CMYA5: variants seen among roughly 807,000 people sequenced by gnomAD.
The protein encoded by CMYA5 is cardiomyopathy associated 5.
A neutral mutation model predicts 318.9 loss-of-function variants in CMYA5; 246 were observed. The ratio of observed to expected loss-of-function variants is 0.77; its 90% confidence interval spans 0.70 to 0.86. CMYA5 has a LOEUF of 0.86. CMYA5 is among the 40% of genes least tolerant of loss of function. CMYA5 has a pLI of 0.00. For missense variants in CMYA5, 4,589 were observed against 4,678.2 expected (o/e 0.98, Z 0.56); for synonymous variants, 1,641 against 1,729.5 (o/e 0.95, Z 1.27).
chr5:79,760,554 T>C (rs1197993871), intron 7 of CMYA5, among the ~76,000 whole-genome samples: 1 of 152,130 alleles, frequency 6.6e-6, no homozygotes, highest in Non-Finnish European at 1.5e-5. Context: ...AAGCACATCT[T>C]CCCATGGCTG....
At chr5:79,758,001 G>C (rs557771808) in intron 6 of CMYA5, among the ~76,000 whole-genome samples, 1 of 152,004 alleles carries the variant, frequency 6.6e-6, no homozygotes, top group Non-Finnish European at 1.5e-5. Context: ...AGGCTGAGGC[G>C]GGTGGAATCC....
chr5:79,777,446 A>G (rs1225565480), intron 9 of CMYA5, among the ~76,000 whole-genome samples: 1 of 152,156 alleles, frequency 6.6e-6, no homozygotes, highest in Non-Finnish European at 1.5e-5. Flanking sequence ...TGAGCATCCC[A>G]TATCAATACA....
At chr5:79,700,987 G>A (rs551842673) in intron 1 of CMYA5, among the ~76,000 whole-genome samples, 1 of 151,356 alleles carries the variant, frequency 6.6e-6, no homozygotes, top group South Asian at 2.1e-4. Flanking sequence ...GCTCACACCT[G>A]TAATCCCAGG....
Position 79,734,389 on chromosome 5 carries a change from C to A in CMYA5, c.5624C>A (p.Ala1875Glu), listed in dbSNP as rs16877147. The change falls in exon 2 of 13, where the codon GCG (alanine) becomes GAG (glutamate). Residue 1875 changes from alanine to glutamate, a missense_variant. Transcript: ENST00000446378. ...AAATCATTTATGACAACCAAGCCTG[C>A]GGATGTCAAAGAAACAAAAATGGAA... ...QSKSFMTTKPADVKETKMEEF... is the reference protein window; with the variant it reads ...QSKSFMTTKPEDVKETKMEEF... 1.9e-6 allele frequency: 3 copies of A among 1,613,370 alleles called. No individual in the cohort carries two copies. The highest frequency in any genetic ancestry group is 2.7e-5 in the African/African-American group (2 of 74,860).
In CMYA5 at chr5:79,733,575, G is replaced by A. The variant is rs1827972488; in HGVS notation, c.4810G>A (p.Gly1604Arg). Residue 1604 changes from glycine to arginine, a missense_variant, in exon 2 of 13, where the codon GGA becomes AGA. This residue lies in a region of CMYA5 where 2,132 missense variants were observed against 2,131.3 expected (regional missense o/e 1.00). Transcript: ENST00000446378. ...AGTGGAGGTATCTTCTACAGCTCAGGGAGACTTCCCATCAGAAAAACAAGA... is the reference window on the plus strand; with the variant it reads ...AGTGGAGGTATCTTCTACAGCTCAGAGAGACTTCCCATCAGAAAAACAAGA... ...PAVEVSSTAQ[G>R]DFPSEKQDVA... 1 of 1,613,738 alleles carries A rather than the reference G, an allele frequency of 6.2e-7. No individual in the cohort carries two copies. The highest frequency in any genetic ancestry group is 1.7e-5 in the Admixed American group (1 of 59,976).
At chr5:79,703,018 T>C (rs1323790840) in intron 1 of CMYA5, among the ~76,000 whole-genome samples, 1 of 152,220 alleles carries the variant, frequency 6.6e-6, no homozygotes, top group Non-Finnish European at 1.5e-5. Context: ...CTGTCAGCTC[T>C]GTCTCCCCAG....
rs763085801 is a variant in CMYA5, at chr5:79,738,589, C to A, written c.9824C>A (p.Pro3275Gln). The change falls in exon 2 of 13, where the codon CCG (proline) becomes CAG (glutamine). Residue 3275 changes from proline to glutamine, a missense_variant. Pro to Gln is a moderately conservative substitution (Grantham distance 76). Coordinates refer to ENST00000446378, the MANE Select transcript of CMYA5 (RefSeq NM_153610.5). ...GTTGGTAAGGATGATTCATACCAAC[C>A]GATAGCTGCAGAAGGGGAAATTTGG... ...KRVGKDDSYQ[P>Q]IAAEGEIWGK... The A allele has an allele frequency of 6.2e-7, 1 of 1,613,586 alleles. No individual in the cohort carries two copies. The highest frequency in any genetic ancestry group is 1.7e-5 in the Admixed American group (1 of 60,000).
chr5:79,797,750 C>T (rs1008816724), intron 12 of CMYA5, among the ~76,000 whole-genome samples: 1 of 152,198 alleles, frequency 6.6e-6, no homozygotes, highest in Non-Finnish European at 1.5e-5. Flanking sequence ...ACTTACTTAT[C>T]CACGTAACAT....
At position 79,729,957 on chromosome 5, in the gene CMYA5, T is replaced by A; in HGVS notation, c.1192T>A (p.Cys398Ser). The A allele has an allele frequency of 6.2e-7, 1 of 1,613,984 alleles. No individual in the cohort carries two copies. Among genetic ancestry groups the A allele is most frequent in the Non-Finnish European group, 8.5e-7 (1 of 1,179,894 alleles). ...TMFLRTTKEE[C>S]ELASPGTAAS... Reference sequence around the variant, plus strand: ...GTTCCTGAGAACAACAAAGGAAGAATGTGAGCTTGCTTCACCAGGAACTGC... The same window carrying A: ...GTTCCTGAGAACAACAAAGGAAGAAAGTGAGCTTGCTTCACCAGGAACTGC... Residue 398 changes from cysteine (C) to serine (S), a missense_variant, in exon 2 of 13, where the codon TGT becomes AGT. Physicochemically the swap from Cys to Ser is moderately radical, Grantham distance 112 (BLOSUM62 -1). This residue lies in a region of CMYA5 where 2,132 missense variants were observed against 2,131.3 expected (regional missense o/e 1.00). Coordinates refer to ENST00000446378, the MANE Select transcript of CMYA5 (RefSeq NM_153610.5).
At chr5:79,744,375 T>C (rs373957337) in intron 3 of CMYA5, among the ~76,000 whole-genome samples, 3 of 152,174 alleles carry the variant, frequency 2.0e-5, no homozygotes, top group Non-Finnish European at 2.9e-5. Flanking sequence ...GTGCCTCTCA[T>C]AGCACGACTA....
chr5:79,726,675 C>A (rs1827753619), intron 1 of CMYA5, among the ~76,000 whole-genome samples: 1 of 152,072 alleles, frequency 6.6e-6, no homozygotes, highest in African/African-American at 2.4e-5. Flanking sequence ...CCTGGCTGCC[C>A]CAGGCTCCCC....
intron 12 of CMYA5, among the ~76,000 whole-genome samples, chr5:79,794,047 A>G (rs954289935): frequency 6.6e-5 from 10 of 152,202 alleles, no homozygotes; most frequent in Non-Finnish European, 1.3e-4. Context: ...GAGAGACCAC[A>G]AGGGTAATGC....
intron 1 of CMYA5, among the ~76,000 whole-genome samples, chr5:79,715,761 T>C (rs187782967): frequency 6.6e-6 from 1 of 152,212 alleles, no homozygotes; most frequent in Non-Finnish European, 1.5e-5. Context: ...ATACCAACTT[T>C]TATCTTTTTT....
intron 12 of CMYA5, among the ~76,000 whole-genome samples, chr5:79,798,727 G>A (rs1455392406): frequency 1.3e-5 from 2 of 152,162 alleles, no homozygotes; most frequent in Non-Finnish European, 2.9e-5. Flanking sequence ...TGGATACATG[G>A]ATATGCACAA....
At chr5:79,788,567 A>G (rs1004558756) in intron 9 of CMYA5, among the ~76,000 whole-genome samples, 1 of 151,268 alleles carries the variant, frequency 6.6e-6, no homozygotes, top group Non-Finnish European at 1.5e-5. Flanking sequence ...GTTTCTATTA[A>G]CTTTGGTGGC....
chr5:79,778,328 T>C lies in CMYA5; in HGVS notation c.11556-10643T>C, dbSNP rs114789070. On this transcript the variant is annotated intron_variant, in intron 9 of 12. Coordinates refer to ENST00000446378, the MANE Select transcript of CMYA5 (RefSeq NM_153610.5). ...TGTGTACATTGTGAATTTTGATAGA[T>C]ATTACTGAACTGTCTCTATAGAGGT... Among the ~76,000 whole-genome samples the C allele has an allele frequency of 9.8e-3, 1,497 of 152,302 alleles. 22 individuals are homozygous for C. Among genetic ancestry groups the C allele is most frequent in the African/African-American group, 0.034 (1,431 of 41,568 alleles).
At chr5:79,748,697 C>T (rs1053166469) in intron 5 of CMYA5, among the ~76,000 whole-genome samples, 4 of 152,108 alleles carry the variant, frequency 2.6e-5, no homozygotes, top group African/African-American at 7.2e-5. Context: ...TGCGCTCCAC[C>T]GTGCCCTGCT....
chr5:79,693,706 G>A lies in CMYA5; in HGVS notation c.149+3650G>A, dbSNP rs558698656. ...CCAGGTGTCTGGACTCCAATTTAAT[G>A]TTCATTAATGTATTCATTTGGCAGA... On this transcript the variant is annotated intron_variant, in intron 1 of 12. Transcript: ENST00000446378. Among the ~76,000 whole-genome samples, 8 of 152,220 alleles carry A rather than the reference G, an allele frequency of 5.3e-5. No homozygotes were observed. The East Asian group carries it at 1.5e-3, about 29-fold the overall frequency.
At chr5:79,710,211 G>A (rs1049182930) in intron 1 of CMYA5, among the ~76,000 whole-genome samples, 3 of 151,932 alleles carry the variant, frequency 2.0e-5, no homozygotes, top group Admixed American at 6.5e-5. Context: ...CTCACTAAAT[G>A]TTTTTGTTTG....
Sources: allele counts gnomAD v4.1 joint callset (sites outside exome capture counted in the v4.1 genomes callset), GRCh38; gene constraint gnomAD v4.1.1; regional missense constraint gnomAD v4.1.1; transcripts MANE v1.5; gene names NCBI Gene and HGNC (gene_info 2026-07-23, HGNC 2026-07-21).